The following TRAPPC9 variants were observed in gnomAD, a reference collection of about 807,000 sequenced individuals.
TRAPPC9 encodes IKK2 binding protein.
In TRAPPC9, 83 loss-of-function variants were observed where a neutral mutation model predicts 124.0. The ratio of observed to expected loss-of-function variants is 0.67; its 90% CI spans 0.56 to 0.80. TRAPPC9 has a LOEUF of 0.80. Among genes scored for constraint, TRAPPC9 ranks in the 30% least tolerant of loss-of-function variants. The pLI, the probability that TRAPPC9 is intolerant of heterozygous loss-of-function variation, is 0.00. For missense variants in TRAPPC9, 1,302 were observed against 1,508.3 expected, an observed-to-expected ratio of 0.86 and a Z score of 2.27; for synonymous variants, 638 against 617.5, an observed-to-expected ratio of 1.03 and a Z score of -0.49.
At position 139,823,846 on chromosome 8, in the gene TRAPPC9, G is replaced by A. The variant is rs189212604; in HGVS notation, c.3055+62033C>T. Among the ~76,000 whole-genome samples, 259 of 152,296 alleles carry A rather than the reference G, an allele frequency of 1.7e-3. 2 individuals carry two copies. The highest frequency in any genetic ancestry group is 2.7e-3 in the Non-Finnish European group (186 of 68,020). On this transcript the variant is annotated intron_variant, in intron 21 of 22. Transcript: ENST00000438773. ...ATAAAACGTGAACAGCTGGGGTCTCGCGGCCACATGATGGTGTTCAAGCCC... is the reference window on the plus strand; with the variant it reads ...ATAAAACGTGAACAGCTGGGGTCTCACGGCCACATGATGGTGTTCAAGCCC...
chr8:140,458,228 G>A, upstream of TRAPPC9: 1 of 1,550,944 alleles, frequency 6.4e-7, no homozygotes, highest in Non-Finnish European at 8.7e-7. Context: ...GAAAGCTTCT[G>A]CACCTGGGGC....
intron 1 of TRAPPC9, chr8:140,456,735 C>T: frequency 1.1e-6 from 1 of 944,540 alleles, no homozygotes. Flanking sequence ...ACCTTAGAAA[C>T]ACGGGACAGT....
At chr8:139,836,384 T>G (rs1563851501) in intron 21 of TRAPPC9, among the ~76,000 whole-genome samples, 1 of 152,208 alleles carries the variant, frequency 6.6e-6, no homozygotes, top group Non-Finnish European at 1.5e-5. Flanking sequence ...GTTCTGACCC[T>G]GCGCCCGGCA....
At chr8:139,768,764 A>C (rs1820749555) in intron 21 of TRAPPC9, among the ~76,000 whole-genome samples, 1 of 152,250 alleles carries the variant, frequency 6.6e-6, no homozygotes, top group Non-Finnish European at 1.5e-5. Context: ...ACCTAGTGTT[A>C]GGGGCTGAAT....
At chr8:139,925,268 T>C (rs1832740123) in intron 19 of TRAPPC9, among the ~76,000 whole-genome samples, 1 of 152,150 alleles carries the variant, frequency 6.6e-6, no homozygotes, top group Non-Finnish European at 1.5e-5. Flanking sequence ...AGGCCGAAAC[T>C]CTAACAGAAA....
intron 21 of TRAPPC9, among the ~76,000 whole-genome samples, chr8:139,873,343 T>C (rs563740314): frequency 2.8e-4 from 43 of 152,230 alleles, no homozygotes; most frequent in African/African-American, 1.0e-3. Context: ...CATAAAAGGA[T>C]AACAGTAATA....
intron 21 of TRAPPC9, among the ~76,000 whole-genome samples, chr8:139,777,706 G>A (rs1821490912): frequency 6.6e-6 from 1 of 152,168 alleles, no homozygotes; most frequent in Admixed American, 6.6e-5. Context: ...CCTCCGCCTG[G>A]AACAAACAAC....
In TRAPPC9 at chr8:140,353,299, C is replaced by T. The variant is rs1046245005; in HGVS notation, c.1495+6751G>A. 1.3e-5 allele frequency among the ~76,000 whole-genome samples: 2 copies of T among 152,008 alleles called. No homozygotes were observed. Among genetic ancestry groups the T allele is most frequent in the African/African-American group, 4.8e-5 (2 of 41,386 alleles). On this transcript the variant is annotated intron_variant, in intron 9 of 22. Transcript: ENST00000438773. This position sits in a 1 kb window ranked among gnomAD's most constrained non-coding sequence, Gnocchi z 4.2. ...CTTAACACAGGTTCATTCACTGGCC[C>T]CCTCCCATCTCATGGGACCCCCCCC...
At chr8:140,207,791 G>C (rs570421968) in intron 17 of TRAPPC9, among the ~76,000 whole-genome samples, 1 of 152,336 alleles carries the variant, frequency 6.6e-6, no homozygotes, top group South Asian at 2.1e-4. Flanking sequence ...ACATTTGCTA[G>C]ACAGGTGTTT....
At chr8:139,840,784 C>A (rs1020568331) in intron 21 of TRAPPC9, among the ~76,000 whole-genome samples, 2 of 152,220 alleles carry the variant, frequency 1.3e-5, no homozygotes, top group African/African-American at 4.8e-5. Flanking sequence ...CCGCCCACAG[C>A]CCAGGGTCGC....
intron 6 of TRAPPC9, among the ~76,000 whole-genome samples, chr8:140,400,952 A>G (rs2069244914): frequency 6.6e-6 from 1 of 152,018 alleles, no homozygotes; most frequent in Non-Finnish European, 1.5e-5. Flanking sequence ...TAGTTATCCC[A>G]ACTGGACTGA....
At chr8:140,440,626 CT>C (rs1401646370) in intron 2 of TRAPPC9, among the ~76,000 whole-genome samples, 7 of 152,170 alleles carry the variant, frequency 4.6e-5, no homozygotes, top group Non-Finnish European at 1.0e-4. Flanking sequence ...TTCATTGCTT[CT>C]ATACACACAC....
chr8:140,011,132 G>A (rs1354050841), intron 18 of TRAPPC9, among the ~76,000 whole-genome samples: 1 of 152,126 alleles, frequency 6.6e-6, no homozygotes, highest in Non-Finnish European at 1.5e-5. Context: ...CTGAGGTCAG[G>A]AGTTCAAGAC....
At chr8:140,396,044 G>A (rs2069085631) in intron 7 of TRAPPC9, among the ~76,000 whole-genome samples, 1 of 151,708 alleles carries the variant, frequency 6.6e-6, no homozygotes, top group South Asian at 2.1e-4. Context: ...GCTCGCCTGG[G>A]CTCCCCAAGG....
At chr8:140,432,780 G>A (rs1032508742) in intron 4 of TRAPPC9, among the ~76,000 whole-genome samples, 13 of 152,124 alleles carry the variant, frequency 8.5e-5, no homozygotes, top group South Asian at 6.2e-4. Context: ...GCTGAGGCAG[G>A]AGAATGACGT....
intron 10 of TRAPPC9, among the ~76,000 whole-genome samples, chr8:140,301,140 AC>A (rs2065965335): frequency 6.6e-6 from 1 of 151,936 alleles, no homozygotes; most frequent in Non-Finnish European, 1.5e-5. Flanking sequence ...TGGCAGCCAG[AC>A]TCTGACCCAT....
At chr8:139,734,928 A>T (rs1818057766) in intron 21 of TRAPPC9, among the ~76,000 whole-genome samples, 2 of 152,196 alleles carry the variant, frequency 1.3e-5, no homozygotes, top group Non-Finnish European at 2.9e-5. Flanking sequence ...TTTGCCCTCA[A>T]ATCCCAGCTT....
intron 9 of TRAPPC9, among the ~76,000 whole-genome samples, chr8:140,327,909 T>C (rs923548446): frequency 4.6e-5 from 7 of 152,196 alleles, no homozygotes; most frequent in Non-Finnish European, 8.8e-5. Flanking sequence ...GTTAAAAGGG[T>C]ACATTTTGTG....
intron 19 of TRAPPC9, among the ~76,000 whole-genome samples, chr8:139,972,377 T>C (rs1300829814): frequency 2.0e-5 from 3 of 152,214 alleles, no homozygotes; most frequent in East Asian, 1.9e-4. Context: ...CAAAGTTTTC[T>C]CACAGTAATA....
Sources: gnomAD v4.1 joint callset for allele counts (sites outside exome capture counted in the v4.1 genomes callset) on GRCh38, gnomAD v4.1.1 for gene constraint, Gnocchi (gnomAD v3.1) non-coding constraint, MANE v1.5 for transcripts, NCBI Gene and HGNC (gene_info 2026-07-23, HGNC 2026-07-21) for gene names.